DMD: variants seen among roughly 807,000 people sequenced by gnomAD.
DMD encodes the protein dystrophin.
A neutral mutation model predicts 330.1 loss-of-function variants in DMD; 63 were observed. The observed-to-expected ratio is 0.19, with a 90% confidence interval of 0.16 to 0.24. The LOEUF (loss-of-function observed/expected upper bound fraction) is 0.24, where lower values mean the gene tolerates loss of function less well. Ranked by LOEUF, DMD falls within the 10% of genes least tolerant of loss-of-function variation. The pLI, the probability that DMD is intolerant of heterozygous loss-of-function variation, is 1.00. For missense variants in DMD, 3,344 were observed against 2,684.1 expected, an observed-to-expected ratio of 1.25 and a Z score of -5.43; for synonymous variants, 1,223 against 959.8, an observed-to-expected ratio of 1.27 and a Z score of -5.07.
chrX:32,033,168 T>A (rs1312338996), intron 44 of DMD, among the ~76,000 whole-genome samples: 2 of 111,183 alleles, frequency 1.8e-5, no homozygotes, highest in African/African-American at 6.5e-5. Context: ...AAATAAGGTA[T>A]CTAAAACAGT....
At chrX:32,529,174 C>T (rs2047222637) in intron 17 of DMD, among the ~76,000 whole-genome samples, 2 of 106,797 alleles carry the variant, frequency 1.9e-5, no homozygotes, top group South Asian at 8.3e-4. Flanking sequence ...ATCCGCCCGA[C>T]TCAGCCTCCC....
intron 62 of DMD, among the ~76,000 whole-genome samples, chrX:31,292,699 A>G (rs891007680): frequency 8.9e-6 from 1 of 111,945 alleles, no homozygotes. Context: ...TTCAAACTGG[A>G]AAGAACCAAA....
chrX:31,983,545 GA>G (rs778174956), intron 44 of DMD, among the ~76,000 whole-genome samples: 1 of 110,115 alleles, frequency 9.1e-6, no homozygotes, highest in African/African-American at 3.3e-5. Context: ...AATTTGTAAG[GA>G]AAAAAAAGAA....
chrX:31,417,555 C>T (rs2061937581), intron 60 of DMD, among the ~76,000 whole-genome samples: 2 of 111,507 alleles, frequency 1.8e-5, no homozygotes, highest in African/African-American at 6.5e-5. Context: ...AGTTTGAATG[C>T]AAAAGTACTA....
intron 44 of DMD, among the ~76,000 whole-genome samples, chrX:32,133,692 C>T (rs923119252): frequency 9.0e-6 from 1 of 111,401 alleles, no homozygotes; most frequent in African/African-American, 3.3e-5. Flanking sequence ...TTCTCCCATG[C>T]CCCTTATCCA....
At chrX:31,710,155 C>T (rs1445785312) in intron 52 of DMD, among the ~76,000 whole-genome samples, 1 of 111,441 alleles carries the variant, frequency 9.0e-6, no homozygotes, top group African/African-American at 3.3e-5. Context: ...TGGGAAATGT[C>T]GTTTTGAAAG....
intron 44 of DMD, among the ~76,000 whole-genome samples, chrX:32,028,588 A>T (rs1164483424): frequency 8.9e-6 from 1 of 111,770 alleles, no homozygotes; most frequent in Non-Finnish European, 1.9e-5. Flanking sequence ...GAAGGAAGGC[A>T]TTTTCACCCA....
At chrX:33,259,260 TC>T (rs2052910641) in intron 1 of DMD, among the ~76,000 whole-genome samples, 2 of 109,628 alleles carry the variant, frequency 1.8e-5, no homozygotes, top group African/African-American at 6.6e-5. Context: ...ACATACAGCT[TC>T]CCCCACCATC....
chrX:31,600,577 C>T (rs908457698), intron 55 of DMD, among the ~76,000 whole-genome samples: 12 of 95,672 alleles, frequency 1.3e-4, no homozygotes, highest in African/African-American at 4.7e-4. Context: ...TCTTTTTCCA[C>T]CTTCCAGGGG....
At chrX:31,361,169 T>A (rs1176045015) in intron 60 of DMD, among the ~76,000 whole-genome samples, 3 of 109,337 alleles carry the variant, frequency 2.7e-5, no homozygotes. Context: ...GACCCATCTT[T>A]AGGGGAAGTT....
chrX:33,095,900 T>A (rs954370175), intron 1 of DMD, among the ~76,000 whole-genome samples: 1 of 110,654 alleles, frequency 9.0e-6, no homozygotes, highest in Admixed American at 9.7e-5. Context: ...CTGTAAGCTA[T>A]TTTAACAACA....
intron 44 of DMD, among the ~76,000 whole-genome samples, chrX:32,014,569 G>A (rs768379011): frequency 1.1e-4 from 12 of 111,460 alleles, no homozygotes; most frequent in Admixed American, 2.9e-4. Flanking sequence ...CTTCTCTATA[G>A]TACAGTTTTC....
At chrX:32,414,428 A>G (rs1015624810) in intron 29 of DMD, among the ~76,000 whole-genome samples, 8 of 112,027 alleles carry the variant, frequency 7.1e-5, no homozygotes, top group African/African-American at 2.6e-4. Flanking sequence ...CTATTTATGC[A>G]TTCCCTCACA....
At chrX:32,230,503 C>G (rs903137126) in intron 43 of DMD, among the ~76,000 whole-genome samples, 2 of 112,043 alleles carry the variant, frequency 1.8e-5, no homozygotes, top group African/African-American at 3.2e-5. Context: ...CCTCGGCCTC[C>G]CAAAGTGCTG....
At chrX:32,718,314 T>A (rs757693718) in intron 7 of DMD, among the ~76,000 whole-genome samples, 1 of 110,892 alleles carries the variant, frequency 9.0e-6, no homozygotes, top group Non-Finnish European at 1.9e-5. Context: ...GTTCTCATGA[T>A]ATCTGGTTGT....
At chrX:32,123,202 C>CATATATATAT (rs59017074) in intron 44 of DMD, among the ~76,000 whole-genome samples, 505 of 32,535 alleles carry the variant, frequency 0.016, 27 homozygotes, top group African/African-American at 0.022. Context: ...TGTGAGCATG[C>CATATATATAT]ATATATATAT....
chrX:32,813,229 T>C (rs1489070428), intron 6 of DMD, among the ~76,000 whole-genome samples: 1 of 112,100 alleles, frequency 8.9e-6, no homozygotes, highest in Non-Finnish European at 1.9e-5. Context: ...TTAAAATTAA[T>C]TAACATTTTA....
At chrX:31,856,562 G>A (rs1004766649) in intron 48 of DMD, among the ~76,000 whole-genome samples, 3 of 112,327 alleles carry the variant, frequency 2.7e-5, no homozygotes, top group Admixed American at 1.9e-4. Flanking sequence ...CATAAGCAAA[G>A]TTAATGCTAC....
At chrX:32,584,265 A>G (rs967359611) in intron 13 of DMD, among the ~76,000 whole-genome samples, 10 of 111,721 alleles carry the variant, frequency 9.0e-5, no homozygotes, top group African/African-American at 3.2e-4. Flanking sequence ...CTCAAATTAA[A>G]AAGTTTAACA....
Sources: gnomAD v4.1 joint callset for allele counts (sites outside exome capture counted in the v4.1 genomes callset) on GRCh38, gnomAD v4.1.1 for gene constraint, MANE v1.5 for transcripts, NCBI Gene and HGNC (gene_info 2026-07-23, HGNC 2026-07-21) for gene names.